Variants in MMRN1 observed in about 807,000 individuals in gnomAD.
MMRN1 encodes multimerin-1.
MMRN1 carries 94 observed loss-of-function variants against 100.7 expected under a neutral mutation model. The ratio of observed to expected loss-of-function variants is 0.93; its 90% CI spans 0.79 to 1.11. MMRN1 has a LOEUF of 1.11. Among genes scored for constraint, MMRN1 ranks in the 50% least tolerant of loss-of-function variants. The pLI is 0.00. For synonymous variants in MMRN1, 575 were observed against 505.0 expected (o/e 1.14, Z -1.86); for missense variants, 1,606 against 1,439.1 (o/e 1.12, Z -1.88).
chr4:89,907,328 A>G (rs142469894), intron 1 of MMRN1, among the ~76,000 whole-genome samples: 129 of 151,670 alleles, frequency 8.5e-4, no homozygotes, highest in East Asian at 2.3e-3. Flanking sequence ...AAAGAACACA[A>G]TAAGTTCTGT....
At chr4:89,902,551 G>A (rs1022154797) in intron 1 of MMRN1, among the ~76,000 whole-genome samples, 1 of 151,856 alleles carries the variant, frequency 6.6e-6, no homozygotes, top group African/African-American at 2.4e-5. Flanking sequence ...CATACATTCG[G>A]CTCGTTCTCA....
chr4:89,947,268 C>T (rs1310709848), intron 6 of MMRN1, among the ~76,000 whole-genome samples: 4 of 152,048 alleles, frequency 2.6e-5, no homozygotes, highest in East Asian at 3.9e-4. Context: ...GACGACAGAG[C>T]GAGACTCCAT....
At chr4:89,915,222 C>T (rs920279922) in intron 3 of MMRN1, among the ~76,000 whole-genome samples, 1 of 151,596 alleles carries the variant, frequency 6.6e-6, no homozygotes, top group Admixed American at 6.6e-5. Context: ...CTAGTTCTTC[C>T]CAGCAGTAGC....
At chr4:89,929,327 G>A (rs1315676230) in intron 5 of MMRN1, among the ~76,000 whole-genome samples, 10 of 152,050 alleles carry the variant, frequency 6.6e-5, no homozygotes, top group African/African-American at 2.4e-4. Context: ...TCATCTACCA[G>A]TATGGATGCT....
At chr4:89,914,755 ATC>A (rs542618519) in intron 3 of MMRN1, among the ~76,000 whole-genome samples, 56 of 151,666 alleles carry the variant, frequency 3.7e-4, no homozygotes, top group African/African-American at 1.3e-3. Context: ...ATACACTTAA[ATC>A]TGTTTTATAA....
intron 4 of MMRN1, among the ~76,000 whole-genome samples, chr4:89,924,179 A>G (rs1722174437): frequency 6.6e-6 from 1 of 152,188 alleles, no homozygotes. Flanking sequence ...CTAGCTGCAT[A>G]TTTTAAATGC....
chr4:89,899,662 C>T (rs948348038), intron 1 of MMRN1, among the ~76,000 whole-genome samples: 1 of 152,106 alleles, frequency 6.6e-6, no homozygotes, highest in Non-Finnish European at 1.5e-5. Context: ...CAATTCCCAA[C>T]CCCTGTACAC....
At chr4:89,880,673 G>T (rs928147633) in intron 1 of MMRN1, among the ~76,000 whole-genome samples, 1 of 152,126 alleles carries the variant, frequency 6.6e-6, no homozygotes, top group African/African-American at 2.4e-5. Flanking sequence ...ATAAATTATA[G>T]CTTTGGTTTC....
chr4:89,921,561 C>T (rs897481622), intron 3 of MMRN1, among the ~76,000 whole-genome samples: 1 of 151,966 alleles, frequency 6.6e-6, no homozygotes, highest in African/African-American at 2.4e-5. Flanking sequence ...ATTGCTAGGT[C>T]TTAGAAGAAG....
intron 2 of MMRN1, among the ~76,000 whole-genome samples, chr4:89,910,400 CT>C (rs1721711715): frequency 6.6e-6 from 1 of 151,310 alleles, no homozygotes; most frequent in Admixed American, 6.6e-5. Flanking sequence ...TTATTTTTTT[CT>C]TTTCTTTAAA....
At position 89,935,389 on chromosome 4, in the gene MMRN1, A is replaced by G. The variant is rs1166907954; in HGVS notation, c.1709A>G (p.Gln570Arg). Residue 570 changes from glutamine to arginine, a missense_variant, in exon 6 of 8, where the codon CAA (glutamine) becomes CGA (arginine). Gln to Arg is a conservative substitution (Grantham distance 43). Transcript: ENST00000264790. ...MLQMFEDLHI[Q>R]ESKINNLTVS... ...CAAATGTTTGAAGATTTGCACATTC[A>G]AGAAAGCAAGATTAACAATCTCACC... 1 of 1,613,438 alleles carries G rather than the reference A, an allele frequency of 6.2e-7. No homozygotes were observed. The highest frequency in any genetic ancestry group is 8.5e-7 in the Non-Finnish European group (1 of 1,179,720).
chr4:89,911,063 G>A (rs749881296), intron 2 of MMRN1, among the ~76,000 whole-genome samples: 4 of 151,188 alleles, frequency 2.6e-5, no homozygotes, highest in Non-Finnish European at 5.9e-5. Context: ...TGGATTCCTC[G>A]TCAGGAAATG....
intron 7 of MMRN1, 97 bp from the exon 8 acceptor site, chr4:89,952,900 G>C: frequency 8.1e-7 from 1 of 1,240,092 alleles, no homozygotes; most frequent in South Asian, 1.5e-5. Context: ...CTTCTGCTAA[G>C]ACTTTTTGTA....
At chr4:89,894,811 C>T, upstream of MMRN1, 1 of 1,301,898 alleles carries the variant, frequency 7.7e-7, no homozygotes, top group Non-Finnish European at 1.0e-6. Flanking sequence ...GGAAACCGAA[C>T]TTCCTGAGTA....
chr4:89,946,279 T>C (rs978321878), intron 6 of MMRN1, among the ~76,000 whole-genome samples: 6 of 152,166 alleles, frequency 3.9e-5, no homozygotes, highest in African/African-American at 1.4e-4. Flanking sequence ...ATCTGTGTAT[T>C]ATAAAATGGG....
intron 6 of MMRN1, among the ~76,000 whole-genome samples, chr4:89,951,216 A>T (rs950231702): frequency 6.6e-6 from 1 of 152,200 alleles, no homozygotes; most frequent in Non-Finnish European, 1.5e-5. Context: ...TATATATTCA[A>T]TACCACCTTA....
chr4:89,891,136 G>T (rs890683573), upstream of MMRN1, among the ~76,000 whole-genome samples: 3 of 152,044 alleles, frequency 2.0e-5, no homozygotes, highest in Non-Finnish European at 4.4e-5. Context: ...TTTGAGAATA[G>T]ATAATATAGA....
intron 6 of MMRN1, among the ~76,000 whole-genome samples, chr4:89,948,409 A>G (rs1195987778): frequency 6.6e-6 from 1 of 152,180 alleles, no homozygotes; most frequent in East Asian, 1.9e-4. Flanking sequence ...ATGGACAGAG[A>G]TGGTAACTCA....
intron 1 of MMRN1, among the ~76,000 whole-genome samples, chr4:89,888,209 A>G (rs1052189393): frequency 2.6e-5 from 4 of 152,100 alleles, no homozygotes; most frequent in East Asian, 3.9e-4. Context: ...TTTCTCTAGT[A>G]TATCTTATAG....
Sources: gnomAD v4.1 joint callset for allele counts (sites outside exome capture counted in the v4.1 genomes callset) on GRCh38, gnomAD v4.1.1 for gene constraint, MANE v1.5 for transcripts, NCBI Gene and HGNC (gene_info 2026-07-23, HGNC 2026-07-21) for gene names.